Variants in HS3ST2 observed in about 807,000 individuals in gnomAD.
The protein encoded by HS3ST2 is heparan sulfate-glucosamine 3-sulfotransferase 2, also known as heparan sulfate glucosamine 3-O-sulfotransferase 2.
Under a neutral mutation model 26.3 loss-of-function variants are expected in HS3ST2, and 17 were observed. The observed-to-expected ratio is 0.65, with a 90% CI of 0.44 to 0.97. The LOEUF (loss-of-function observed/expected upper bound fraction) is 0.97, where lower values mean the gene tolerates loss of function less well. HS3ST2 is among the 50% of genes least tolerant of loss of function. The pLI, the probability that HS3ST2 is intolerant of heterozygous loss-of-function variation, is 0.00. For synonymous variants in HS3ST2, 237 were observed against 219.2 expected, an observed-to-expected ratio of 1.08 and a Z score of -0.72; for missense variants, 402 against 501.2, an observed-to-expected ratio of 0.80 and a Z score of 1.89.
At chr16:22,837,575 A>G (rs1384850621) in intron 1 of HS3ST2, among the ~76,000 whole-genome samples, 5 of 139,022 alleles carry the variant, frequency 3.6e-5, no homozygotes, top group Non-Finnish European at 7.8e-5. Flanking sequence ...ACATATATAT[A>G]TATACACACA....
intron 1 of HS3ST2, among the ~76,000 whole-genome samples, chr16:22,859,026 C>T (rs905772473): frequency 2.0e-5 from 3 of 151,940 alleles, no homozygotes; most frequent in Non-Finnish European, 4.4e-5. Flanking sequence ...ATTAGATGGG[C>T]GTGGTGGTGT....
chr16:22,819,297 C>T (rs1567478762), intron 1 of HS3ST2, among the ~76,000 whole-genome samples: 1 of 151,904 alleles, frequency 6.6e-6, no homozygotes, highest in East Asian at 1.9e-4. Flanking sequence ...GATGCCTGAA[C>T]TGCTTTGCAA....
chr16:22,890,391 T>C (rs1902112479), intron 1 of HS3ST2, among the ~76,000 whole-genome samples: 1 of 152,272 alleles, frequency 6.6e-6, no homozygotes, highest in Non-Finnish European at 1.5e-5. Flanking sequence ...GGATATCTAA[T>C]AAACCAGTTA....
chr16:22,827,305 C>G (rs556734137), intron 1 of HS3ST2, among the ~76,000 whole-genome samples: 1 of 152,172 alleles, frequency 6.6e-6, no homozygotes, highest in Non-Finnish European at 1.5e-5. Context: ...GTGCAGGACC[C>G]TGTAGGCCTT....
At chr16:22,827,929 C>G (rs1367161355) in intron 1 of HS3ST2, among the ~76,000 whole-genome samples, 3 of 151,750 alleles carry the variant, frequency 2.0e-5, no homozygotes, top group African/African-American at 7.3e-5. Context: ...AGTCTTGTCT[C>G]CAATTCCTCT....
chr16:22,847,288 T>A (rs377556204), intron 1 of HS3ST2, among the ~76,000 whole-genome samples: 6 of 152,300 alleles, frequency 3.9e-5, no homozygotes, highest in African/African-American at 1.4e-4. Context: ...GTCAGCTCCA[T>A]CCATGTTCCC....
At chr16:22,876,739 T>G (rs1376203622) in intron 1 of HS3ST2, among the ~76,000 whole-genome samples, 1 of 152,058 alleles carries the variant, frequency 6.6e-6, no homozygotes, top group Non-Finnish European at 1.5e-5. Context: ...CAAATGCCCA[T>G]CAATCAATGA....
chr16:22,826,673 T>G (rs1901090963), intron 1 of HS3ST2, among the ~76,000 whole-genome samples: 1 of 152,214 alleles, frequency 6.6e-6, no homozygotes. Flanking sequence ...GAGTGAATAC[T>G]CTTAGCAATG....
At chr16:22,912,501 T>C (rs1006383017) in intron 1 of HS3ST2, among the ~76,000 whole-genome samples, 3 of 152,068 alleles carry the variant, frequency 2.0e-5, no homozygotes, top group African/African-American at 7.2e-5. Flanking sequence ...CTTGGGGAGT[T>C]CTTGGCTTTG....
At chr16:22,877,465 C>T (rs1901936419) in intron 1 of HS3ST2, among the ~76,000 whole-genome samples, 1 of 152,208 alleles carries the variant, frequency 6.6e-6, no homozygotes, top group Non-Finnish European at 1.5e-5. Flanking sequence ...TTCTAACACA[C>T]TAGGTTGGCC....
intron 1 of HS3ST2, among the ~76,000 whole-genome samples, chr16:22,888,368 C>CTTTTCTTTTTTTTTTTTTTTT (rs1902088579): frequency 2.2e-5 from 2 of 91,742 alleles, no homozygotes; most frequent in African/African-American, 8.7e-5. Flanking sequence ...ATGTCTCTGG[C>CTTTTCTTTTTTTTTTTTTTTT]TTTTCTTTTT....
intron 1 of HS3ST2, among the ~76,000 whole-genome samples, chr16:22,892,557 T>C (rs1902145609): frequency 6.6e-6 from 1 of 152,216 alleles, no homozygotes; most frequent in African/African-American, 2.4e-5. Flanking sequence ...GAATGTGCTA[T>C]CATTTAATAA....
intron 1 of HS3ST2, among the ~76,000 whole-genome samples, chr16:22,853,592 T>C (rs543359634): frequency 2.6e-4 from 39 of 152,302 alleles, no homozygotes; most frequent in Middle Eastern, 6.8e-3. Context: ...ATGATCGGCA[T>C]TGGTTTCAGA....
At chr16:22,819,117 T>C (rs1224168923) in intron 1 of HS3ST2, among the ~76,000 whole-genome samples, 1 of 27,408 alleles carries the variant, frequency 3.6e-5, no homozygotes, top group African/African-American at 2.0e-4. Context: ...CCTTCCTTCC[T>C]TCCTTCCTTC....
At chr16:22,875,886 C>T (rs1248398587) in intron 1 of HS3ST2, among the ~76,000 whole-genome samples, 2 of 152,162 alleles carry the variant, frequency 1.3e-5, no homozygotes, top group African/African-American at 2.4e-5. Flanking sequence ...ACAAATGGTT[C>T]CCAATGTGTT....
At chr16:22,879,263 A>G (rs763325126) in intron 1 of HS3ST2, among the ~76,000 whole-genome samples, 18 of 152,184 alleles carry the variant, frequency 1.2e-4, no homozygotes, top group Non-Finnish European at 2.6e-4. Flanking sequence ...ATTTCTTTGG[A>G]TTCCAACAGA....
chr16:22,867,088 G>T (rs139019387), intron 1 of HS3ST2, among the ~76,000 whole-genome samples: 41 of 152,280 alleles, frequency 2.7e-4, no homozygotes, highest in South Asian at 8.3e-4. Context: ...GTATAGTACT[G>T]CTGTGGAAAG....
intron 1 of HS3ST2, among the ~76,000 whole-genome samples, chr16:22,824,158 A>T (rs1019952351): frequency 1.1e-4 from 17 of 152,202 alleles, no homozygotes; most frequent in Non-Finnish European, 7.4e-5. Context: ...CTTTATTTTA[A>T]TTTTGAGGCT....
intron 1 of HS3ST2, among the ~76,000 whole-genome samples, chr16:22,909,342 T>C (rs1902393001): frequency 6.6e-6 from 1 of 152,192 alleles, no homozygotes; most frequent in Non-Finnish European, 1.5e-5. Context: ...TTTGCAGAGC[T>C]ACATAGAAAA....
Sources: allele counts gnomAD v4.1 joint callset (sites outside exome capture counted in the v4.1 genomes callset), GRCh38; gene constraint gnomAD v4.1.1; transcripts MANE v1.5; gene names NCBI Gene and HGNC (gene_info 2026-07-23, HGNC 2026-07-21).